ACCSL: variants seen among roughly 807,000 people sequenced by gnomAD.
ACCSL encodes 1-aminocyclopropane-1-carboxylate synthase homolog (inactive) like.
A neutral mutation model predicts 61.7 loss-of-function variants in ACCSL; 55 were observed. The observed-to-expected ratio is 0.89, with a 90% CI of 0.72 to 1.12. The LOEUF is 1.12. ACCSL is among the 50% of genes most tolerant of loss of function. ACCSL has a pLI of 0.00. For synonymous variants in ACCSL, 258 were observed against 264.3 expected (o/e 0.98, Z 0.23); for missense variants, 632 against 698.0 (o/e 0.91, Z 1.07).
At chr11:44,051,295 G>T in intron 3 of ACCSL, 40 bp from the exon 4 acceptor site, 1 of 1,609,328 alleles carries the variant, frequency 6.2e-7, no homozygotes, top group Non-Finnish European at 8.5e-7. Context: ...GTGAGGAAAG[G>T]GGCCCGGAAG....
At chr11:43,979,231 C>G in the ACCSL span, among the ~76,000 whole-genome samples, 1 of 152,098 alleles carries the variant, frequency 6.6e-6, no homozygotes, top group Non-Finnish European at 1.5e-5. Flanking sequence ...ATTTGGGAGG[C>G]TGAGACAGAA....
intron 1 of ACCSL, 134 bp downstream of exon 1, chr11:44,048,674 C>A: frequency 1.1e-6 from 1 of 908,952 alleles, no homozygotes; most frequent in Non-Finnish European, 1.6e-6. Flanking sequence ...TGTCATCTTG[C>A]AGATAAGGGA....
chr11:44,045,393 T>C (rs1565156791), upstream of ACCSL, among the ~76,000 whole-genome samples: 2 of 152,058 alleles, frequency 1.3e-5, no homozygotes, highest in Non-Finnish European at 1.5e-5. Flanking sequence ...TGAGCCATGA[T>C]TGCACCAGTG....
the ACCSL span, among the ~76,000 whole-genome samples, chr11:43,980,853 TATC>T: frequency 0.23 from 34,588 of 151,740 alleles, 4,215 homozygotes; most frequent in Non-Finnish European, 0.28. Flanking sequence ...TAAGCGCTAT[TATC>T]ATCATCATCA....
chr11:44,024,082 A>T, the ACCSL span, among the ~76,000 whole-genome samples: 1 of 152,308 alleles, frequency 6.6e-6, no homozygotes, highest in Non-Finnish European at 1.5e-5. Flanking sequence ...TTAGCATTTG[A>T]ATCAGTGGAC....
At chr11:43,989,460 C>T in the ACCSL span, among the ~76,000 whole-genome samples, 7,377 of 152,280 alleles carry the variant, frequency 0.048, 403 homozygotes, top group East Asian at 0.32. Context: ...TTTTGAGAAG[C>T]CTCCTGTTTC....
At chr11:44,040,231 A>G in the ACCSL span, among the ~76,000 whole-genome samples, 1 of 152,196 alleles carries the variant, frequency 6.6e-6, no homozygotes, top group African/African-American at 2.4e-5. Context: ...CCCTTGCTCT[A>G]GTAGTTCTCA....
At chr11:43,933,706 C>G in the ACCSL span, among the ~76,000 whole-genome samples, 115 of 152,294 alleles carry the variant, frequency 7.6e-4, no homozygotes, top group Non-Finnish European at 1.4e-3. Context: ...GGGAAATGAG[C>G]TCTCGTTACT....
the ACCSL span, among the ~76,000 whole-genome samples, chr11:44,004,636 G>T: frequency 6.6e-6 from 1 of 152,204 alleles, no homozygotes; most frequent in Non-Finnish European, 1.5e-5. Flanking sequence ...AATCGAGGGG[G>T]CTTGCCCAAG....
At chr11:44,056,149 A>G in intron 10 of ACCSL, 36 bp from the exon 11 acceptor site, 2 of 1,614,210 alleles carry the variant, frequency 1.2e-6, no homozygotes, top group Non-Finnish European at 1.7e-6. Flanking sequence ...AAGGCAGACA[A>G]AACACTTGTT....
chr11:43,930,051 G>T, the ACCSL span, among the ~76,000 whole-genome samples: 2 of 152,198 alleles, frequency 1.3e-5, no homozygotes, highest in African/African-American at 4.8e-5. Context: ...AACAGAGAAG[G>T]AGCAGCCCTG....
the ACCSL span, among the ~76,000 whole-genome samples, chr11:43,963,964 A>G: frequency 0.066 from 9,970 of 152,194 alleles, 349 homozygotes; most frequent in South Asian, 0.1. Context: ...TTTGCCTGGT[A>G]TGCCATTGCT....
chr11:43,928,838 G>A, the ACCSL span, among the ~76,000 whole-genome samples: 9 of 152,226 alleles, frequency 5.9e-5, no homozygotes, highest in Non-Finnish European at 1.2e-4. Flanking sequence ...CTGCCTTTCC[G>A]ATATTCTTCC....
chr11:44,017,645 C>A, the ACCSL span, among the ~76,000 whole-genome samples: 3 of 152,154 alleles, frequency 2.0e-5, no homozygotes, highest in African/African-American at 7.2e-5. Flanking sequence ...TCCTCCAGTG[C>A]TTTCTGGGAT....
chr11:44,003,475 A>T, the ACCSL span, among the ~76,000 whole-genome samples: 1 of 152,050 alleles, frequency 6.6e-6, no homozygotes, highest in Non-Finnish European at 1.5e-5. Context: ...CAACATGGTG[A>T]AGCTCCAGCT....
chr11:44,044,091 G>C (rs1442481628), upstream of ACCSL, among the ~76,000 whole-genome samples: 1 of 152,174 alleles, frequency 6.6e-6, no homozygotes, highest in Non-Finnish European at 1.5e-5. Flanking sequence ...GCAGCTTCCA[G>C]AGTGTTTGCT....
chr11:43,987,791 G>C, the ACCSL span, among the ~76,000 whole-genome samples: 1 of 152,094 alleles, frequency 6.6e-6, no homozygotes, highest in Admixed American at 6.6e-5. Context: ...TCCAGCGCTC[G>C]GGGGGGTCAA....
chr11:43,938,912 T>C, the ACCSL span, among the ~76,000 whole-genome samples: 2 of 152,228 alleles, frequency 1.3e-5, no homozygotes, highest in African/African-American at 4.8e-5. Flanking sequence ...GGGCGATTTC[T>C]TTGTTTGGTT....
At chr11:44,053,694 T>A (rs1341751376) in intron 8 of ACCSL, among the ~76,000 whole-genome samples, 188 bp downstream of exon 8, 1 of 152,090 alleles carries the variant, frequency 6.6e-6, no homozygotes, top group Non-Finnish European at 1.5e-5. Flanking sequence ...AAACCTTGTC[T>A]CTACTAAAAA....
Sources: allele counts gnomAD v4.1 joint callset (sites outside exome capture counted in the v4.1 genomes callset), GRCh38; gene constraint gnomAD v4.1.1; transcripts MANE v1.5; gene names NCBI Gene and HGNC (gene_info 2026-07-23, HGNC 2026-07-21).